Variants in COL21A1 observed in about 807,000 individuals in gnomAD.
COL21A1 encodes the protein collagen type XXI alpha 1 chain, also known as collagen alpha-1(XXI) chain.
COL21A1 carries 149 observed loss-of-function variants against 137.9 expected under a neutral mutation model. The ratio of observed to expected loss-of-function variants is 1.08; its 90% CI spans 0.95 to 1.24. The LOEUF (loss-of-function observed/expected upper bound fraction) is 1.24. COL21A1 is among the 50% of genes most tolerant of loss of function. COL21A1 has a pLI of 0.00. For missense variants in COL21A1, 1,167 were observed against 1,158.4 expected, an observed-to-expected ratio of 1.01 and a Z score of -0.11; for synonymous variants, 456 against 391.5, an observed-to-expected ratio of 1.16 and a Z score of -1.95.
At chr6:56,076,725 G>A (rs935787020) in intron 18 of COL21A1, among the ~76,000 whole-genome samples, 13 of 151,362 alleles carry the variant, frequency 8.6e-5, no homozygotes, top group Non-Finnish European at 1.6e-4. Context: ...GGTAGGTAAT[G>A]CTAAAAAGAG....
chr6:56,165,280 A>G (rs1219030178), intron 7 of COL21A1, among the ~76,000 whole-genome samples: 1 of 152,222 alleles, frequency 6.6e-6, no homozygotes, highest in Non-Finnish European at 1.5e-5. Context: ...ATAACATACA[A>G]TTTTAAAAGG....
intron 16 of COL21A1, among the ~76,000 whole-genome samples, chr6:56,116,425 C>T (rs1489443226): frequency 2.2e-5 from 2 of 92,576 alleles, no homozygotes; most frequent in African/African-American, 3.7e-5. Flanking sequence ...AAAAAAAAAA[C>T]TTTACCCTAG....
At chr6:56,098,004 AATATATAAAT>A (rs1326616676) in intron 17 of COL21A1, among the ~76,000 whole-genome samples, 6 of 35,360 alleles carry the variant, frequency 1.7e-4, no homozygotes, top group Admixed American at 4.1e-4. Context: ...TAAATATATA[AATATATAAAT>A]ATATATAAAT....
At chr6:56,168,088 C>G (rs574398237) in intron 6 of COL21A1, 36 bp downstream of exon 6, 3 of 1,339,462 alleles carry the variant, frequency 2.2e-6, no homozygotes, top group Non-Finnish European at 3.0e-6. Context: ...AAGTTTCATT[C>G]TATATAATTC....
intron 1 of COL21A1, among the ~76,000 whole-genome samples, chr6:56,299,037 CT>C (rs1403350922): frequency 1.3e-5 from 2 of 152,086 alleles, no homozygotes; most frequent in Non-Finnish European, 1.5e-5. Flanking sequence ...AAAACCTCAT[CT>C]TTTGTAATGA....
intron 1 of COL21A1, among the ~76,000 whole-genome samples, chr6:56,331,035 A>G (rs1765209486): frequency 6.6e-6 from 1 of 151,912 alleles, no homozygotes; most frequent in Non-Finnish European, 1.5e-5. Flanking sequence ...ATTTGCATTT[A>G]TTTGATGATT....
chr6:56,236,189 T>C (rs1781884627), intron 1 of COL21A1, among the ~76,000 whole-genome samples: 1 of 152,016 alleles, frequency 6.6e-6, no homozygotes, highest in South Asian at 2.1e-4. Flanking sequence ...CAGAATATGA[T>C]GTTCCACTTG....
chr6:56,268,629 GC>G (rs1211831764), intron 1 of COL21A1, among the ~76,000 whole-genome samples: 1 of 152,112 alleles, frequency 6.6e-6, no homozygotes, highest in African/African-American at 2.4e-5. Flanking sequence ...GAGAAATGAA[GC>G]CAATTGACTA....
At chr6:56,144,369 C>A (rs1359828054) in intron 10 of COL21A1, among the ~76,000 whole-genome samples, 1 of 152,090 alleles carries the variant, frequency 6.6e-6, no homozygotes, top group Non-Finnish European at 1.5e-5. Context: ...CAAAGAAATC[C>A]ATTTTGCAAG....
intron 16 of COL21A1, among the ~76,000 whole-genome samples, chr6:56,121,951 A>C (rs1772578423): frequency 2.0e-5 from 3 of 152,174 alleles, no homozygotes; most frequent in Non-Finnish European, 4.4e-5. Context: ...AATAGGAGAC[A>C]TAACCAAGGT....
rs1775776090 is a variant in COL21A1 at position 56,156,789 on chromosome 6, T to A, written c.1434+98A>T. 6.0e-6 allele frequency: 6 copies of A among 992,326 alleles called. No homozygotes were observed. The South Asian group carries it at 8.4e-5, about 14-fold the overall frequency. 61.5% of individuals were successfully genotyped at this position (992,326 alleles called of 1,614,324 possible). A position where few individuals can be genotyped will look rare whatever the true frequency, so the allele number is the denominator to read the frequency against. On this transcript the variant is annotated intron_variant, in intron 10 of 29. Coordinates refer to ENST00000244728, the MANE Select transcript of COL21A1 (RefSeq NM_030820.4). Reference sequence around the variant, plus strand: ...TCCTTCCTATGGCAGCAGTCATGAATAAAGCTTTCCTTGTCTGTTTAGATT... The same window carrying A: ...TCCTTCCTATGGCAGCAGTCATGAAAAAAGCTTTCCTTGTCTGTTTAGATT...
At chr6:56,333,724 T>C (rs766769333) in intron 1 of COL21A1, among the ~76,000 whole-genome samples, 1 of 152,142 alleles carries the variant, frequency 6.6e-6, no homozygotes, top group Non-Finnish European at 1.5e-5. Context: ...ATCATTTTAC[T>C]TTCCGAACAG....
At chr6:56,150,609 A>T (rs1035379397) in intron 10 of COL21A1, among the ~76,000 whole-genome samples, 120 of 152,024 alleles carry the variant, frequency 7.9e-4, no homozygotes, top group African/African-American at 2.8e-3. Flanking sequence ...CCAGTGACCA[A>T]TCCACTCTTT....
At chr6:56,187,887 T>C (rs1363682640) in intron 1 of COL21A1, among the ~76,000 whole-genome samples, 1 of 152,194 alleles carries the variant, frequency 6.6e-6, no homozygotes, top group Non-Finnish European at 1.5e-5. Context: ...CAAGCCAATG[T>C]TTGCATTAAA....
chr6:56,374,744 A>G (rs1193552277), intron 1 of COL21A1, among the ~76,000 whole-genome samples: 1 of 146,490 alleles, frequency 6.8e-6, no homozygotes, highest in Non-Finnish European at 1.5e-5. Context: ...AAAAAAAAAG[A>G]TATTATATTT....
chr6:56,157,284 A>T (rs1402146571), intron 9 of COL21A1, among the ~76,000 whole-genome samples: 1 of 150,024 alleles, frequency 6.7e-6, no homozygotes, highest in Non-Finnish European at 1.5e-5. Context: ...GGTCTCCATG[A>T]TAGCAATATT....
At chr6:56,163,014 T>G (rs918057363) in intron 9 of COL21A1, among the ~76,000 whole-genome samples, 1 of 152,204 alleles carries the variant, frequency 6.6e-6, no homozygotes, top group African/African-American at 2.4e-5. Context: ...ACAGATCAAA[T>G]GTATACTTCT....
At chr6:56,352,496 C>A (rs17225591) in intron 1 of COL21A1, among the ~76,000 whole-genome samples, 1 of 151,228 alleles carries the variant, frequency 6.6e-6, no homozygotes, top group Non-Finnish European at 1.5e-5. Flanking sequence ...CGCAGCAAAA[C>A]ACCAGAGCTC....
chr6:56,331,070 T>C (rs1195255313), intron 1 of COL21A1, among the ~76,000 whole-genome samples: 3 of 152,148 alleles, frequency 2.0e-5, no homozygotes, highest in African/African-American at 4.8e-5. Context: ...TTTTTTCATA[T>C]GCTTGTTGAC....
Sources: allele counts gnomAD v4.1 joint callset (sites outside exome capture counted in the v4.1 genomes callset), GRCh38; gene constraint gnomAD v4.1.1; transcripts MANE v1.5; gene names NCBI Gene and HGNC (gene_info 2026-07-23, HGNC 2026-07-21).